SLC9A9: variants seen among roughly 807,000 people sequenced by gnomAD.
SLC9A9 encodes solute carrier family 9 member A9.
Under a neutral mutation model 77.8 loss-of-function variants are expected in SLC9A9, and 62 were observed. The ratio of observed to expected loss-of-function variants is 0.80; its 90% CI spans 0.65 to 0.98. The LOEUF (loss-of-function observed/expected upper bound fraction) is 0.98. Ranked by LOEUF, SLC9A9 falls within the 50% of genes least tolerant of loss-of-function variation. The probability of loss-of-function intolerance (pLI) is 0.00; values close to 1 mark genes in which losing one functional copy is unlikely to be tolerated. For synonymous variants in SLC9A9, 320 were observed against 283.5 expected (o/e 1.13, Z -1.29); for missense variants, 775 against 774.9 (o/e 1.00, Z 0.00).
At chr3:143,768,696 C>T (rs1016544077) in intron 4 of SLC9A9, among the ~76,000 whole-genome samples, 3 of 152,062 alleles carry the variant, frequency 2.0e-5, no homozygotes, top group African/African-American at 2.4e-5. Context: ...AATGACATGG[C>T]GTATTAGTGT....
intron 12 of SLC9A9, among the ~76,000 whole-genome samples, chr3:143,414,236 G>A (rs2034149889): frequency 6.6e-6 from 1 of 152,180 alleles, no homozygotes; most frequent in Admixed American, 6.5e-5. Flanking sequence ...CTGTGTGTAT[G>A]TATCTTATGT....
At chr3:143,355,795 A>G (rs1333342534) in intron 14 of SLC9A9, among the ~76,000 whole-genome samples, 1 of 152,228 alleles carries the variant, frequency 6.6e-6, no homozygotes, top group African/African-American at 2.4e-5. Context: ...TGATGAGGAA[A>G]GTCTAATGTG....
chr3:143,279,172 C>T (rs1938139859), intron 14 of SLC9A9, among the ~76,000 whole-genome samples: 2 of 152,176 alleles, frequency 1.3e-5, no homozygotes, highest in Admixed American at 6.5e-5. Flanking sequence ...CTTCTGGCTT[C>T]TGGAGCCCTA....
chr3:143,534,965 T>C (rs2036569774), intron 9 of SLC9A9, among the ~76,000 whole-genome samples: 1 of 151,642 alleles, frequency 6.6e-6, no homozygotes, highest in South Asian at 2.1e-4. Flanking sequence ...AAATCAAGCA[T>C]TTTTTTCTCC....
chr3:143,737,731 T>C (rs1169003564), intron 4 of SLC9A9, among the ~76,000 whole-genome samples: 1 of 152,200 alleles, frequency 6.6e-6, no homozygotes, highest in Non-Finnish European at 1.5e-5. Context: ...CTGTTGGTGG[T>C]TTACTTAATT....
intron 1 of SLC9A9, among the ~76,000 whole-genome samples, chr3:143,835,067 T>C (rs926328992): frequency 6.6e-6 from 1 of 152,158 alleles, no homozygotes; most frequent in Admixed American, 6.5e-5. Flanking sequence ...TCATTAATCT[T>C]GCCAAACTTT....
intron 2 of SLC9A9, among the ~76,000 whole-genome samples, chr3:143,828,002 C>T (rs1440168780): frequency 6.6e-6 from 1 of 152,136 alleles, no homozygotes; most frequent in Non-Finnish European, 1.5e-5. Context: ...AGGTGCCCTG[C>T]CCTTCTCTGT....
chr3:143,628,719 A>G (rs1576621356), intron 6 of SLC9A9, among the ~76,000 whole-genome samples: 1 of 152,328 alleles, frequency 6.6e-6, no homozygotes. Context: ...TTTGAACTGC[A>G]AAATAATTTT....
In SLC9A9 at chr3:143,514,212, C is replaced by CTT. The variant is rs34218404; in HGVS notation, c.1090-18766_1090-18765dup. 6.1e-3 allele frequency among the ~76,000 whole-genome samples: 889 copies of CTT among 146,514 alleles called. 10 individuals carry two copies. Among genetic ancestry groups the CTT allele is most frequent in the Non-Finnish European group, 7.2e-3 (476 of 66,324 alleles). ...AGAGCAGCAATATTTTGAAAGGAACCTTTTTTTTTTTTTCTGAGCAGTAAA... is the reference window on the plus strand; with the variant it reads ...AGAGCAGCAATATTTTGAAAGGAACCTTTTTTTTTTTTTTTCTGAGCAGTAAA... On this transcript the variant is annotated intron_variant, in intron 9 of 15. Transcript: ENST00000316549.
chr3:143,514,493 A>C (rs1308072805), intron 9 of SLC9A9, among the ~76,000 whole-genome samples: 1 of 152,244 alleles, frequency 6.6e-6, no homozygotes, highest in Non-Finnish European at 1.5e-5. Flanking sequence ...AAAGTCCTAC[A>C]TGGCATTTTT....
At chr3:143,580,122 C>T (rs1158918426) in intron 6 of SLC9A9, among the ~76,000 whole-genome samples, 2 of 152,174 alleles carry the variant, frequency 1.3e-5, no homozygotes, top group Admixed American at 1.3e-4. Context: ...AGTAAACCCA[C>T]ATCTGGGTCC....
intron 7 of SLC9A9, among the ~76,000 whole-genome samples, chr3:143,575,993 C>T (rs982172647): frequency 3.3e-5 from 5 of 152,222 alleles, no homozygotes; most frequent in African/African-American, 9.7e-5. Flanking sequence ...TACACCCTTT[C>T]TTTCAGATCT....
chr3:143,296,654 G>C (rs1232133223), intron 14 of SLC9A9, among the ~76,000 whole-genome samples: 1 of 152,148 alleles, frequency 6.6e-6, no homozygotes, highest in Non-Finnish European at 1.5e-5. Context: ...CACCAACACT[G>C]TACAAGGGTT....
chr3:143,780,463 A>G (rs2007835343), intron 4 of SLC9A9, among the ~76,000 whole-genome samples: 1 of 152,244 alleles, frequency 6.6e-6, no homozygotes, highest in Non-Finnish European at 1.5e-5. Flanking sequence ...ATACAAAAGG[A>G]TCACTCATTA....
intron 12 of SLC9A9, among the ~76,000 whole-genome samples, chr3:143,431,347 A>C (rs2034509878): frequency 6.6e-6 from 1 of 152,186 alleles, no homozygotes; most frequent in African/African-American, 2.4e-5. Context: ...TCCTGCAGTC[A>C]TCTCTTAATT....
intron 6 of SLC9A9, among the ~76,000 whole-genome samples, chr3:143,614,986 G>A (rs1161251683): frequency 1.3e-5 from 2 of 152,092 alleles, no homozygotes; most frequent in Admixed American, 1.3e-4. Context: ...CTTGGTATAG[G>A]CCCTCATGGA....
chr3:143,603,824 C>T (rs1052978826), intron 6 of SLC9A9, among the ~76,000 whole-genome samples: 19 of 152,206 alleles, frequency 1.2e-4, no homozygotes, highest in Non-Finnish European at 2.1e-4. Context: ...CCAGAAACAA[C>T]CTGACGTGAG....
At chr3:143,495,571 C>A in intron 9 of SLC9A9, 123 bp from the exon 10 acceptor site, 1 of 733,092 alleles carries the variant, frequency 1.4e-6, no homozygotes, top group Non-Finnish European at 2.4e-6. Flanking sequence ...CCCCTTTGGC[C>A]GTGTGCTTAG....
In SLC9A9 at chr3:143,779,264, A is replaced by G. The variant is rs1442154511; in HGVS notation, c.533+15737T>C. ...TTAACTAAGTATGAAAAGCATTTGC[A>G]GAGATCTAAGAATTAGAATAAATGA... On this transcript the variant is annotated intron_variant, in intron 4 of 15. Transcript: ENST00000316549. 2.0e-5 allele frequency among the ~76,000 whole-genome samples: 3 copies of G among 152,232 alleles called. 1 individual carries two copies. The highest frequency in any genetic ancestry group is 4.4e-5 in the Non-Finnish European group (3 of 68,050).
Sources: allele counts gnomAD v4.1 joint callset (sites outside exome capture counted in the v4.1 genomes callset), GRCh38; gene constraint gnomAD v4.1.1; transcripts MANE v1.5; gene names NCBI Gene and HGNC (gene_info 2026-07-23, HGNC 2026-07-21).